Variants in PRKG1 observed in about 807,000 individuals in gnomAD.
PRKG1 encodes the protein protein kinase cGMP-dependent 1.
Under a neutral mutation model 88.1 loss-of-function variants are expected in PRKG1, and 35 were observed. The ratio of observed to expected loss-of-function variants is 0.40; its 90% CI spans 0.30 to 0.53. The LOEUF (loss-of-function observed/expected upper bound fraction) is 0.53. Among genes scored for constraint, PRKG1 ranks in the 20% least tolerant of loss-of-function variants. PRKG1 has a pLI of 0.59. For missense variants in PRKG1, 540 were observed against 839.8 expected (o/e 0.64, Z 4.41); for synonymous variants, 303 against 292.5 (o/e 1.04, Z -0.37).
At chr10:51,096,971 T>C (rs896307012) in intron 1 of PRKG1, among the ~76,000 whole-genome samples, 1 of 152,160 alleles carries the variant, frequency 6.6e-6, no homozygotes, top group East Asian at 1.9e-4. Context: ...AAAATGTCAA[T>C]AGTGCATTAG....
intron 1 of PRKG1, among the ~76,000 whole-genome samples, chr10:51,119,754 A>G (rs1845216714): frequency 6.6e-6 from 1 of 152,134 alleles, no homozygotes; most frequent in South Asian, 2.1e-4. Flanking sequence ...TTTAAAATAA[A>G]ATGACACTTA....
intron 4 of PRKG1, among the ~76,000 whole-genome samples, chr10:51,852,379 G>C (rs973448526): frequency 3.3e-5 from 5 of 150,934 alleles, no homozygotes; most frequent in South Asian, 2.1e-4. Context: ...CACACATAGA[G>C]AGAGAGAGAG....
At chr10:51,533,458 T>C (rs1412054950) in intron 3 of PRKG1, among the ~76,000 whole-genome samples, 4 of 152,184 alleles carry the variant, frequency 2.6e-5, no homozygotes, top group Non-Finnish European at 5.9e-5. Flanking sequence ...TTGTCTTCAG[T>C]GATGGCCTGA....
chr10:52,131,609 G>A (rs1837260669), intron 7 of PRKG1, among the ~76,000 whole-genome samples: 1 of 151,896 alleles, frequency 6.6e-6, no homozygotes, highest in Non-Finnish European at 1.5e-5. Flanking sequence ...CACTTTGGGA[G>A]GCTGAGGCGG....
chr10:51,040,115 TG>T (rs1268836102), intron 1 of PRKG1, among the ~76,000 whole-genome samples: 1 of 152,022 alleles, frequency 6.6e-6, no homozygotes, highest in Non-Finnish European at 1.5e-5. Context: ...CAGTGAAGAA[TG>T]TCATTGGTAT....
chr10:51,666,315 C>T (rs1467177426), intron 3 of PRKG1, among the ~76,000 whole-genome samples: 2 of 152,118 alleles, frequency 1.3e-5, no homozygotes, highest in East Asian at 3.9e-4. Flanking sequence ...TAAGTTGGCC[C>T]CTTGATGGTT....
chr10:51,569,923 G>A (rs1837702553), intron 3 of PRKG1, among the ~76,000 whole-genome samples: 1 of 151,624 alleles, frequency 6.6e-6, no homozygotes, highest in African/African-American at 2.4e-5. Context: ...TCATTTTACT[G>A]GCAGCAGCTC....
At chr10:51,947,362 C>G (rs1356835157) in intron 5 of PRKG1, among the ~76,000 whole-genome samples, 2 of 152,158 alleles carry the variant, frequency 1.3e-5, no homozygotes, top group Non-Finnish European at 2.9e-5. Context: ...CAGGTGCCGT[C>G]TGTCACCCCT....
At chr10:51,770,853 G>T (rs906329421) in intron 3 of PRKG1, among the ~76,000 whole-genome samples, 9 of 152,160 alleles carry the variant, frequency 5.9e-5, no homozygotes, top group African/African-American at 2.2e-4. Context: ...TCAAAAAATG[G>T]CTGGTTATTA....
chr10:51,747,077 T>C (rs1263278137), intron 3 of PRKG1, among the ~76,000 whole-genome samples: 3 of 152,174 alleles, frequency 2.0e-5, no homozygotes, highest in Non-Finnish European at 4.4e-5. Flanking sequence ...CTGGAGTCAC[T>C]GGGGGTTTTT....
chr10:52,183,781 GTT>G (rs1839109896), intron 9 of PRKG1, among the ~76,000 whole-genome samples: 1 of 152,242 alleles, frequency 6.6e-6, no homozygotes, highest in Admixed American at 6.5e-5. Flanking sequence ...CGCATGTTGT[GTT>G]CCTAATCTAG....
intron 4 of PRKG1, among the ~76,000 whole-genome samples, chr10:51,871,748 G>A (rs772637436): frequency 7.2e-5 from 11 of 152,198 alleles, no homozygotes; most frequent in Middle Eastern, 3.2e-3. Flanking sequence ...TGGCTGGAGT[G>A]CACAGCATGT....
At position 51,253,280 on chromosome 10, in the gene PRKG1, C is replaced by T. The variant is rs558398426; in HGVS notation, c.478+99950C>T. Among the ~76,000 whole-genome samples the T allele has an allele frequency of 2.6e-5, 4 of 152,008 alleles. No individual in the cohort carries two copies. In the South Asian group the frequency reaches 8.3e-4, roughly 31 times the overall value. On this transcript the variant is annotated intron_variant, in intron 2 of 17. Transcript: ENST00000373980. ...ACCATTTTTTGGAAAGGAAGAACTA[C>T]TTCACCAAATGTTACCAGAGGTTAG...
At chr10:51,981,312 G>A (rs141203367) in intron 5 of PRKG1, among the ~76,000 whole-genome samples, 332 of 152,222 alleles carry the variant, frequency 2.2e-3, no homozygotes, top group African/African-American at 4.3e-3. Flanking sequence ...ATGGCTAGGC[G>A]TGGTGGCTCA....
At chr10:51,394,331 G>A (rs1588911566) in intron 2 of PRKG1, among the ~76,000 whole-genome samples, 2 of 152,270 alleles carry the variant, frequency 1.3e-5, no homozygotes, top group East Asian at 1.9e-4. Context: ...CCTAGACATG[G>A]CCTCTAGTTG....
At chr10:51,177,552 C>T (rs972239437) in intron 2 of PRKG1, among the ~76,000 whole-genome samples, 6 of 152,060 alleles carry the variant, frequency 3.9e-5, no homozygotes, top group African/African-American at 1.2e-4. Flanking sequence ...TAGCAGAAAA[C>T]TTGACATTAA....
chr10:51,875,353 C>A (rs181836581), intron 4 of PRKG1, among the ~76,000 whole-genome samples: 103 of 151,158 alleles, frequency 6.8e-4, no homozygotes, highest in Non-Finnish European at 1.2e-3. Context: ...ATAGACCAAA[C>A]AGATAAATTT....
At chr10:51,125,693 A>G (rs1442959421) in intron 1 of PRKG1, among the ~76,000 whole-genome samples, 1 of 147,572 alleles carries the variant, frequency 6.8e-6, no homozygotes, top group Non-Finnish European at 1.5e-5. Context: ...AAAAAAAAAA[A>G]TTATTTATTT....
chr10:51,862,182 T>C (rs1052370489), intron 4 of PRKG1, among the ~76,000 whole-genome samples: 1 of 152,158 alleles, frequency 6.6e-6, no homozygotes, highest in African/African-American at 2.4e-5. Flanking sequence ...ATTGATGTTA[T>C]AGCTCATTCA....
Sources: gnomAD v4.1 joint callset for allele counts (sites outside exome capture counted in the v4.1 genomes callset) on GRCh38, gnomAD v4.1.1 for gene constraint, MANE v1.5 for transcripts, NCBI Gene and HGNC (gene_info 2026-07-23, HGNC 2026-07-21) for gene names.